The following CDH18 variants were observed in gnomAD, a reference collection of about 807,000 sequenced individuals.
The protein encoded by CDH18 is cadherin-18.
A neutral mutation model predicts 67.9 loss-of-function variants in CDH18; 31 were observed. That is an observed-to-expected ratio of 0.46 (90% CI 0.34 to 0.62). The LOEUF (loss-of-function observed/expected upper bound fraction) is 0.62. CDH18 is among the 20% of genes least tolerant of loss of function. The pLI, the probability that CDH18 is intolerant of heterozygous loss-of-function variation, is 0.01. For synonymous variants in CDH18, 362 were observed against 347.2 expected (o/e 1.04, Z -0.48); for missense variants, 890 against 975.5 (o/e 0.91, Z 1.17).
At chr5:19,936,284 G>C (rs1486510083) in intron 2 of CDH18, among the ~76,000 whole-genome samples, 5 of 151,146 alleles carry the variant, frequency 3.3e-5, no homozygotes, top group Non-Finnish European at 7.4e-5. Context: ...TTTTCAACAA[G>C]AAATGTTTTG....
chr5:20,522,474 T>C (rs1755806200), intron 1 of CDH18, among the ~76,000 whole-genome samples: 1 of 152,200 alleles, frequency 6.6e-6, no homozygotes, highest in Admixed American at 6.5e-5. Flanking sequence ...CTAATTATAG[T>C]TCACTGCACC....
At chr5:19,742,881 G>A (rs1384645316) in intron 4 of CDH18, among the ~76,000 whole-genome samples, 1 of 151,972 alleles carries the variant, frequency 6.6e-6, no homozygotes, top group Non-Finnish European at 1.5e-5. Context: ...AAATTTTGTT[G>A]TCACCTGCTT....
intron 3 of CDH18, among the ~76,000 whole-genome samples, chr5:19,799,146 T>C (rs985682439): frequency 2.0e-4 from 31 of 152,044 alleles, no homozygotes; most frequent in Admixed American, 1.3e-4. Context: ...AATGAGCTAG[T>C]CACAGAAGAG....
intron 1 of CDH18, among the ~76,000 whole-genome samples, chr5:20,460,940 A>T (rs1751222641): frequency 1.3e-5 from 2 of 152,186 alleles, no homozygotes. Context: ...ACAGTGAAAA[A>T]TGTATCCTCA....
chr5:19,736,437 T>G (rs2150671193), intron 4 of CDH18, among the ~76,000 whole-genome samples: 1 of 152,280 alleles, frequency 6.6e-6, no homozygotes, highest in East Asian at 1.9e-4. Flanking sequence ...GAAGAATCAC[T>G]ACGGAATAAT....
chr5:19,876,396 CTA>C (rs748582725), intron 2 of CDH18, among the ~76,000 whole-genome samples: 3 of 152,056 alleles, frequency 2.0e-5, no homozygotes, highest in East Asian at 3.9e-4. Context: ...GAAATATCAA[CTA>C]TAAGGTACAA....
chr5:20,165,796 C>A (rs1736235720), intron 2 of CDH18, among the ~76,000 whole-genome samples: 1 of 152,028 alleles, frequency 6.6e-6, no homozygotes, highest in Non-Finnish European at 1.5e-5. Flanking sequence ...CACATGATAA[C>A]ACATGTATTA....
intron 1 of CDH18, among the ~76,000 whole-genome samples, chr5:20,401,402 T>C (rs1745761880): frequency 6.6e-6 from 1 of 152,168 alleles, no homozygotes; most frequent in Non-Finnish European, 1.5e-5. Context: ...GGTTAAAAAG[T>C]ATACAAATGT....
At chr5:19,576,266 G>A (rs1218234683) in intron 7 of CDH18, among the ~76,000 whole-genome samples, 1 of 152,006 alleles carries the variant, frequency 6.6e-6, no homozygotes, top group African/African-American at 2.4e-5. Context: ...AAACTAAAGA[G>A]CTTCTTCATA....
chr5:20,425,087 G>C (rs981372910), intron 1 of CDH18, among the ~76,000 whole-genome samples: 1 of 150,960 alleles, frequency 6.6e-6, no homozygotes, highest in Non-Finnish European at 1.5e-5. Flanking sequence ...TTAAAATAAG[G>C]CTGGGCACGG....
At chr5:20,178,386 G>A (rs1022946008) in intron 2 of CDH18, among the ~76,000 whole-genome samples, 1 of 150,822 alleles carries the variant, frequency 6.6e-6, no homozygotes, top group Non-Finnish European at 1.5e-5. Flanking sequence ...TCTTGGTTCT[G>A]TTTCTCTGGA....
chr5:19,784,345 G>A (rs1158215120), intron 3 of CDH18, among the ~76,000 whole-genome samples: 1 of 152,126 alleles, frequency 6.6e-6, no homozygotes, highest in Non-Finnish European at 1.5e-5. Context: ...ATCTGGCAAA[G>A]TAGCTCTTTC....
intron 1 of CDH18, among the ~76,000 whole-genome samples, chr5:20,528,024 A>T (rs1355488984): frequency 6.6e-6 from 1 of 152,112 alleles, no homozygotes; most frequent in Non-Finnish European, 1.5e-5. Context: ...CGTGTCTCAC[A>T]TGCAAAAACA....
intron 8 of CDH18, among the ~76,000 whole-genome samples, chr5:19,551,938 T>A (rs903188348): frequency 2.0e-5 from 3 of 152,200 alleles, no homozygotes; most frequent in African/African-American, 7.2e-5. Context: ...CTACCAATAA[T>A]AACACAGATG....
intron 2 of CDH18, among the ~76,000 whole-genome samples, chr5:20,043,198 C>T (rs1293640101): frequency 6.6e-6 from 1 of 151,902 alleles, no homozygotes; most frequent in Non-Finnish European, 1.5e-5. Context: ...ACCGATATTG[C>T]CAAATGTCCC....
chr5:20,024,814 G>C (rs1169631364), intron 2 of CDH18, among the ~76,000 whole-genome samples: 1 of 152,140 alleles, frequency 6.6e-6, no homozygotes, highest in Admixed American at 6.5e-5. Flanking sequence ...CATGGTGGGG[G>C]CTAAAGCCAT....
intron 2 of CDH18, among the ~76,000 whole-genome samples, chr5:20,003,277 A>G (rs968518972): frequency 2.0e-5 from 3 of 152,118 alleles, no homozygotes; most frequent in Non-Finnish European, 4.4e-5. Flanking sequence ...ACATATATAA[A>G]TATCAGTATG....
intron 5 of CDH18, among the ~76,000 whole-genome samples, chr5:19,642,722 GA>G (rs941588306): frequency 6.6e-6 from 1 of 151,496 alleles, no homozygotes; most frequent in East Asian, 1.9e-4. Flanking sequence ...AACAGTACTA[GA>G]AAAAAAAGAT....
intron 2 of CDH18, among the ~76,000 whole-genome samples, chr5:19,959,115 G>A (rs1475412500): frequency 6.6e-6 from 1 of 151,998 alleles, no homozygotes; most frequent in Non-Finnish European, 1.5e-5. Flanking sequence ...AGGCAAAGAA[G>A]GATGAAGGGA....
Sources: gnomAD v4.1 joint callset for allele counts (sites outside exome capture counted in the v4.1 genomes callset) on GRCh38, gnomAD v4.1.1 for gene constraint, MANE v1.5 for transcripts, NCBI Gene and HGNC (gene_info 2026-07-23, HGNC 2026-07-21) for gene names.